Variants in CA10 observed in about 807,000 individuals in gnomAD.
CA10 encodes carbonic anhydrase-related protein 10.
Under a neutral mutation model 44.2 loss-of-function variants are expected in CA10, and 14 were observed. The ratio of observed to expected loss-of-function variants is 0.32; its 90% CI spans 0.21 to 0.50. The LOEUF (loss-of-function observed/expected upper bound fraction) is 0.50. CA10 is among the 20% of genes least tolerant of loss of function. The pLI is 0.99. For synonymous variants in CA10, 159 were observed against 141.6 expected (o/e 1.12, Z -0.87); for missense variants, 350 against 409.7 (o/e 0.85, Z 1.26).
chr17:51,819,908 CTCTG>C (rs1254766759), intron 3 of CA10, among the ~76,000 whole-genome samples: 1 of 152,140 alleles, frequency 6.6e-6, no homozygotes, highest in Non-Finnish European at 1.5e-5. Flanking sequence ...ATTTCTCTGT[CTCTG>C]TCTGCCTGTT....
At chr17:51,649,318 G>T in intron 5 of CA10, 64 bp from the exon 6 acceptor site, 1 of 1,155,758 alleles carries the variant, frequency 8.7e-7, no homozygotes, top group South Asian at 1.2e-5. Flanking sequence ...ATCTCCCCGT[G>T]ACATTCACTT....
At chr17:51,972,625 C>T (rs1235646031) in intron 2 of CA10, among the ~76,000 whole-genome samples, 3 of 151,982 alleles carry the variant, frequency 2.0e-5, no homozygotes. Flanking sequence ...ACTGGGTGAT[C>T]AAAAAGAGGC....
chr17:51,867,797 T>C (rs139184797), intron 3 of CA10, among the ~76,000 whole-genome samples: 436 of 152,316 alleles, frequency 2.9e-3, no homozygotes, highest in Non-Finnish European at 4.3e-3. Flanking sequence ...CAGGACAGAA[T>C]GTGGAGTTCT....
chr17:52,064,290 A>T (rs747397843), intron 2 of CA10, among the ~76,000 whole-genome samples: 8 of 152,180 alleles, frequency 5.3e-5, no homozygotes, highest in East Asian at 1.9e-4. Context: ...TCAGTAGAGG[A>T]TCCATTTAAG....
At chr17:51,695,562 C>A (rs902490307) in intron 4 of CA10, among the ~76,000 whole-genome samples, 2 of 152,140 alleles carry the variant, frequency 1.3e-5, no homozygotes, top group Non-Finnish European at 2.9e-5. Context: ...GTGCCAGGAG[C>A]TTTTTGACAG....
At chr17:51,999,787 T>C (rs1206818313) in intron 2 of CA10, among the ~76,000 whole-genome samples, 1 of 152,040 alleles carries the variant, frequency 6.6e-6, no homozygotes, top group Non-Finnish European at 1.5e-5. Context: ...TCTCTACTGC[T>C]TTACATGTGG....
chr17:52,046,468 T>C (rs900967178), intron 2 of CA10, among the ~76,000 whole-genome samples: 4 of 151,862 alleles, frequency 2.6e-5, no homozygotes, highest in Admixed American at 1.3e-4. Context: ...TTACAACTTA[T>C]ATGAAAATGA....
At chr17:51,811,450 G>A (rs1243318816) in intron 3 of CA10, among the ~76,000 whole-genome samples, 5 of 152,094 alleles carry the variant, frequency 3.3e-5, no homozygotes, top group South Asian at 2.1e-4. Context: ...GCCCCCTCCC[G>A]ACAGGCCCCA....
intron 1 of CA10, among the ~76,000 whole-genome samples, chr17:52,072,908 T>A (rs970459134): frequency 7.2e-5 from 11 of 152,092 alleles, no homozygotes; most frequent in African/African-American, 2.4e-4. Context: ...ATAACTGTGG[T>A]GGAGGTTTTT....
At chr17:51,981,199 G>T (rs1046375844) in intron 2 of CA10, among the ~76,000 whole-genome samples, 5 of 151,960 alleles carry the variant, frequency 3.3e-5, no homozygotes, top group African/African-American at 1.2e-4. Context: ...TAAAATCTAT[G>T]TTGACATAAA....
intron 1 of CA10, among the ~76,000 whole-genome samples, chr17:52,091,924 A>T (rs1988276811): frequency 6.6e-6 from 1 of 152,204 alleles, no homozygotes; most frequent in African/African-American, 2.4e-5. Flanking sequence ...CCATGGGTAA[A>T]ATGGGATAAA....
chr17:52,039,986 G>A (rs2144189289), intron 2 of CA10, among the ~76,000 whole-genome samples: 1 of 152,212 alleles, frequency 6.6e-6, no homozygotes, highest in South Asian at 2.1e-4. Flanking sequence ...AAAGGATCAA[G>A]CAATCCTGAG....
intron 2 of CA10, among the ~76,000 whole-genome samples, chr17:51,941,515 AAG>A (rs997031575): frequency 5.3e-5 from 8 of 152,158 alleles, no homozygotes; most frequent in South Asian, 2.1e-4. Context: ...TAAAACCACA[AAG>A]AGAGGAATGT....
intron 2 of CA10, among the ~76,000 whole-genome samples, chr17:52,069,149 T>C (rs1987613850): frequency 6.6e-6 from 1 of 152,222 alleles, no homozygotes; most frequent in Admixed American, 6.5e-5. Flanking sequence ...AGTTTACTGA[T>C]GCAAATGTTA....
At chr17:51,744,112 G>A (rs1053277075) in intron 4 of CA10, among the ~76,000 whole-genome samples, 1 of 152,052 alleles carries the variant, frequency 6.6e-6, no homozygotes, top group Non-Finnish European at 1.5e-5. Context: ...TTGAGGTCAG[G>A]AATTCAAGAC....
At chr17:51,890,468 C>T (rs924752514) in intron 3 of CA10, among the ~76,000 whole-genome samples, 8 of 152,194 alleles carry the variant, frequency 5.3e-5, no homozygotes, top group Admixed American at 1.3e-4. Context: ...TAAGACCCTA[C>T]CCTAGGTCTC....
At chr17:51,853,965 T>C (rs1450254836) in intron 3 of CA10, among the ~76,000 whole-genome samples, 2 of 152,188 alleles carry the variant, frequency 1.3e-5, no homozygotes, top group Admixed American at 6.6e-5. Context: ...GGAAGTTTTT[T>C]ATAGCAGTGT....
chr17:51,865,044 G>A (rs1979483383), intron 3 of CA10, among the ~76,000 whole-genome samples: 1 of 152,116 alleles, frequency 6.6e-6, no homozygotes, highest in East Asian at 1.9e-4. Context: ...AGTGGGGATG[G>A]GGACAGGCAG....
chr17:51,827,190 A>G (rs946872992), intron 3 of CA10, among the ~76,000 whole-genome samples: 4 of 152,184 alleles, frequency 2.6e-5, no homozygotes, highest in African/African-American at 9.7e-5. Context: ...TAGTGACATA[A>G]AAATTATTTT....
Sources: gnomAD v4.1 joint callset for allele counts (sites outside exome capture counted in the v4.1 genomes callset) on GRCh38, gnomAD v4.1.1 for gene constraint, MANE v1.5 for transcripts, NCBI Gene and HGNC (gene_info 2026-07-23, HGNC 2026-07-21) for gene names.